The following KHDRBS2 variants were observed in gnomAD, a reference collection of about 807,000 sequenced individuals.
KHDRBS2 encodes the protein KH RNA binding domain containing, signal transduction associated 2.
Under a neutral mutation model 44.3 loss-of-function variants are expected in KHDRBS2, and 26 were observed. That is an observed-to-expected ratio of 0.59 (90% CI 0.43 to 0.81). The LOEUF is 0.81. Among genes scored for constraint, KHDRBS2 ranks in the 40% least tolerant of loss-of-function variants. The pLI is 0.00. For synonymous variants in KHDRBS2, 194 were observed against 151.1 expected (o/e 1.28, Z -2.08); for missense variants, 476 against 433.1 (o/e 1.10, Z -0.88).
chr6:62,204,765 T>C (rs1438902725), intron 1 of KHDRBS2, among the ~76,000 whole-genome samples: 2 of 152,132 alleles, frequency 1.3e-5, no homozygotes, highest in East Asian at 3.9e-4. Flanking sequence ...AGAACTCCAG[T>C]GTATACTCAA....
intron 4 of KHDRBS2, among the ~76,000 whole-genome samples, chr6:61,903,259 C>T (rs531925019): frequency 6.6e-6 from 1 of 152,234 alleles, no homozygotes; most frequent in Non-Finnish European, 1.5e-5. Flanking sequence ...TTTCCAGTTT[C>T]AAAGGGGATC....
chr6:62,047,110 T>C (rs1256830294), intron 3 of KHDRBS2, among the ~76,000 whole-genome samples: 2 of 151,902 alleles, frequency 1.3e-5, no homozygotes, highest in Middle Eastern at 3.2e-3. Flanking sequence ...CATTTCATTC[T>C]CCATAATAAC....
At chr6:61,610,705 T>C in the KHDRBS2 span, among the ~76,000 whole-genome samples, 1 of 152,230 alleles carries the variant, frequency 6.6e-6, no homozygotes, top group South Asian at 2.1e-4. Context: ...AACCACAATG[T>C]CCCTCTTCCT....
intron 1 of KHDRBS2, among the ~76,000 whole-genome samples, chr6:62,216,816 T>A (rs1457997325): frequency 2.0e-5 from 3 of 150,854 alleles, no homozygotes; most frequent in Admixed American, 1.3e-4. Context: ...TTCGGTGAGA[T>A]ACAGGAAAAC....
the KHDRBS2 span, among the ~76,000 whole-genome samples, chr6:61,597,773 T>TATATATATATATATATAA: frequency 4.7e-5 from 2 of 42,354 alleles, no homozygotes; most frequent in Non-Finnish European, 9.5e-5. Flanking sequence ...TATATATATA[T>TATATATATATATATATAA]ACACCAAGAT....
At chr6:61,926,669 A>T (rs1809032255) in intron 4 of KHDRBS2, among the ~76,000 whole-genome samples, 1 of 152,146 alleles carries the variant, frequency 6.6e-6, no homozygotes, top group Non-Finnish European at 1.5e-5. Flanking sequence ...ATTTAGGATT[A>T]TTGGTAACAT....
intron 3 of KHDRBS2, among the ~76,000 whole-genome samples, chr6:62,036,514 C>A (rs1264561175): frequency 1.3e-5 from 2 of 151,838 alleles, no homozygotes; most frequent in African/African-American, 4.8e-5. Flanking sequence ...ACCCATGTAG[C>A]AAACCTGCAC....
At chr6:61,752,841 G>A (rs1412198574) in intron 6 of KHDRBS2, among the ~76,000 whole-genome samples, 1 of 152,058 alleles carries the variant, frequency 6.6e-6, no homozygotes, top group Non-Finnish European at 1.5e-5. Flanking sequence ...TATTTGAGGT[G>A]AGGGGTCGGT....
At chr6:62,284,614 T>C (rs938869394) in intron 1 of KHDRBS2, among the ~76,000 whole-genome samples, 4 of 152,126 alleles carry the variant, frequency 2.6e-5, no homozygotes, top group Admixed American at 6.5e-5. Flanking sequence ...TTCCCACTTA[T>C]CTATAAAACT....
intron 1 of KHDRBS2, among the ~76,000 whole-genome samples, chr6:62,224,749 A>G (rs1217049556): frequency 6.6e-6 from 1 of 152,240 alleles, no homozygotes; most frequent in African/African-American, 2.4e-5. Context: ...AGTTTCCACC[A>G]TTACTAACTA....
At chr6:61,675,725 A>T (rs1765894297), downstream of KHDRBS2, among the ~76,000 whole-genome samples, 1 of 151,742 alleles carries the variant, frequency 6.6e-6, no homozygotes, top group Non-Finnish European at 1.5e-5. Context: ...AGGCACAAAT[A>T]ATTTATTCTT....
At chr6:61,979,258 T>C (rs904895098) in intron 3 of KHDRBS2, among the ~76,000 whole-genome samples, 17 of 152,108 alleles carry the variant, frequency 1.1e-4, no homozygotes, top group Admixed American at 5.9e-4. Context: ...TTTCAAGATG[T>C]AAAATGTGGC....
the KHDRBS2 span, among the ~76,000 whole-genome samples, chr6:61,634,726 G>T: frequency 1.3e-5 from 2 of 152,040 alleles, no homozygotes; most frequent in Non-Finnish European, 2.9e-5. Context: ...GCTCAGAGTT[G>T]ATTTAATCAG....
chr6:62,103,377 G>A (rs911205151), intron 2 of KHDRBS2, among the ~76,000 whole-genome samples: 1 of 152,276 alleles, frequency 6.6e-6, no homozygotes, highest in African/African-American at 2.4e-5. Flanking sequence ...CCAGAGGGCA[G>A]TGAGGGTATG....
At chr6:61,978,563 A>T (rs1367559886) in intron 3 of KHDRBS2, among the ~76,000 whole-genome samples, 1 of 152,058 alleles carries the variant, frequency 6.6e-6, no homozygotes, top group African/African-American at 2.4e-5. Flanking sequence ...TTTGTGCTTG[A>T]TGTTCAGCAT....
intron 2 of KHDRBS2, among the ~76,000 whole-genome samples, chr6:62,168,685 T>C (rs1347599210): frequency 1.3e-5 from 2 of 152,130 alleles, no homozygotes; most frequent in African/African-American, 4.8e-5. Context: ...CTTTATACCC[T>C]AAGCTATGTG....
intron 6 of KHDRBS2, among the ~76,000 whole-genome samples, chr6:61,756,043 A>T (rs73759553): frequency 0.058 from 8,851 of 151,660 alleles, 438 homozygotes; most frequent in African/African-American, 0.12. Context: ...ATATAATATT[A>T]TTGTGCTCAT....
intron 6 of KHDRBS2, among the ~76,000 whole-genome samples, chr6:61,752,906 C>T (rs534624364): frequency 8.5e-4 from 129 of 152,118 alleles, no homozygotes; most frequent in African/African-American, 2.9e-3. Context: ...GCTGAATACA[C>T]TGTTTGAATG....
the KHDRBS2 span, among the ~76,000 whole-genome samples, chr6:61,609,934 G>T: frequency 6.6e-6 from 1 of 152,166 alleles, no homozygotes; most frequent in Admixed American, 6.5e-5. Context: ...AGCATTTTGG[G>T]AGGCCAAGGC....
Sources: gnomAD v4.1 joint callset for allele counts (sites outside exome capture counted in the v4.1 genomes callset) on GRCh38, gnomAD v4.1.1 for gene constraint, MANE v1.5 for transcripts, NCBI Gene and HGNC (gene_info 2026-07-23, HGNC 2026-07-21) for gene names.